The following ACACB variants were observed in gnomAD, a reference collection of about 807,000 sequenced individuals.
The protein encoded by ACACB is acetyl-CoA carboxylase beta.
ACACB carries 209 observed loss-of-function variants against 278.8 expected under a neutral mutation model. The observed-to-expected ratio is 0.75, with a 90% CI of 0.67 to 0.84. The LOEUF is 0.84. Ranked by LOEUF, ACACB falls within the 40% of genes least tolerant of loss-of-function variation. The probability of loss-of-function intolerance (pLI) is 0.00; values close to 1 mark genes in which losing one functional copy is unlikely to be tolerated. For missense variants in ACACB, 2,850 were observed against 3,269.0 expected (o/e 0.87, Z 3.13); for synonymous variants, 1,174 against 1,285.6 (o/e 0.91, Z 1.86).
At chr12:109,122,551 C>T (rs1226043439) in intron 1 of ACACB, among the ~76,000 whole-genome samples, 4 of 129,094 alleles carry the variant, frequency 3.1e-5, no homozygotes, top group East Asian at 2.3e-4. Flanking sequence ...CCAGCCTAGG[C>T]GCCAGAGTCA....
At chr12:109,254,762 G>A (rs2047181534) in intron 44 of ACACB, among the ~76,000 whole-genome samples, 1 of 151,942 alleles carries the variant, frequency 6.6e-6, no homozygotes, top group Non-Finnish European at 1.5e-5. Context: ...ACACAGGATA[G>A]GCAATCTGGT....
intron 37 of ACACB, among the ~76,000 whole-genome samples, chr12:109,243,888 T>TAA (rs1321179149): frequency 7.3e-6 from 1 of 137,674 alleles, no homozygotes; most frequent in Admixed American, 7.9e-5. Flanking sequence ...TATATATATA[T>TAA]ATATATATTT....
intron 12 of ACACB, 54 bp downstream of exon 12, chr12:109,185,794 G>A (rs994762887): frequency 6.3e-5 from 97 of 1,541,738 alleles, no homozygotes; most frequent in Non-Finnish European, 8.2e-5. Flanking sequence ...CAGCATGTGG[G>A]GGACCCTGGA....
intron 24 of ACACB, among the ~76,000 whole-genome samples, chr12:109,221,445 C>T (rs1040338501): frequency 2.6e-5 from 4 of 152,176 alleles, no homozygotes; most frequent in African/African-American, 9.7e-5. Flanking sequence ...CCCATATGCA[C>T]TTAGGGCATA....
chr12:109,262,984 T>TATATATATATA (rs1593741001), intron 49 of ACACB: 1 of 32,132 alleles, frequency 3.1e-5, no homozygotes, highest in Non-Finnish European at 1.2e-4. Context: ...ATATATATAT[T>TATATATATATA]GCCATCGTGA....
intron 13 of ACACB, among the ~76,000 whole-genome samples, chr12:109,190,765 C>T (rs1593510267): frequency 1.3e-5 from 2 of 151,654 alleles, no homozygotes; most frequent in East Asian, 3.9e-4. Flanking sequence ...GTAGCTGGGA[C>T]TACAGTCACA....
intron 42 of ACACB, 190 bp downstream of exon 42, chr12:109,252,346 A>G (rs2047119809): frequency 1.3e-5 from 6 of 467,646 alleles, no homozygotes; most frequent in Admixed American, 3.9e-5. Context: ...GTTTTAGGCA[A>G]TTCTGGTCGA....
At chr12:109,256,010 T>G (rs2047214286) in intron 44 of ACACB, 130 bp from the exon 45 acceptor site, 1 of 635,044 alleles carries the variant, frequency 1.6e-6, no homozygotes, top group East Asian at 2.8e-5. Flanking sequence ...TGGTTTTAGG[T>G]AGAAAGGGGT....
intron 21 of ACACB, among the ~76,000 whole-genome samples, chr12:109,212,512 C>T (rs1446922509): frequency 6.6e-6 from 1 of 152,126 alleles, no homozygotes; most frequent in Non-Finnish European, 1.5e-5. Flanking sequence ...ATCATCAGGC[C>T]TTAGATTATC....
intron 16 of ACACB, among the ~76,000 whole-genome samples, chr12:109,194,659 C>A (rs2045050683): frequency 6.8e-6 from 1 of 147,570 alleles, no homozygotes; most frequent in Admixed American, 6.8e-5. Flanking sequence ...TTCACATTAT[C>A]TTCCATGACT....
rs144793901 is a variant in ACACB, at chr12:109,246,204, G to T, written c.5327G>T (p.Arg1776Met). Residue 1776 changes from arginine to methionine, a missense_variant, in exon 39 of 53, where the codon AGG becomes ATG. Transcript: ENST00000338432. Reference sequence around the variant, plus strand: ...GTGGGCATGGTGGCCTTCAAAATGAGGTTTAAGACCCAGGAGTACCCGGAA... The same window carrying T: ...GTGGGCATGGTGGCCTTCAAAATGATGTTTAAGACCCAGGAGTACCCGGAA... The part of the protein sequence containing the change: ...NEVGMVAFKM[R>M]FKTQEYPEGR... The T allele has an allele frequency of 4.4e-5, 71 of 1,613,660 alleles. No individual in the cohort carries two copies. Among genetic ancestry groups the T allele is most frequent in the Non-Finnish European group, 5.7e-5 (67 of 1,179,944 alleles).
At position 109,235,369 on chromosome 12, in the gene ACACB, G is replaced by A; in HGVS notation, c.4404G>A (p.Glu1468=). The change falls in exon 32 of 53, where the codon GAG becomes GAA. Residue 1468 remains glutamate, a splice_region_variant and synonymous_variant. Coordinates refer to ENST00000338432, the MANE Select transcript of ACACB (RefSeq NM_001093.4). ...GAATCACATTCTTGATTGCCCAAGA[G>A]GTTAGTTCACAGTTCATCTCTATGA... ...LRRITFLIAQ[E]KEFPKFFTFR... 6.2e-7 allele frequency: 1 copy of A among 1,613,592 alleles called. No homozygotes were observed. Among genetic ancestry groups the A allele is most frequent in the Non-Finnish European group, 8.5e-7 (1 of 1,179,542 alleles).
At chr12:109,199,599 A>G (rs1392699529) in intron 18 of ACACB, 47 bp downstream of exon 18, 3 of 1,374,440 alleles carry the variant, frequency 2.2e-6, no homozygotes, top group Non-Finnish European at 2.8e-6. Flanking sequence ...TCAAACTCCC[A>G]CTCTTCTGGC....
chr12:109,172,136 G>A, intron 5 of ACACB, 139 bp from the exon 6 acceptor site: 2 of 862,804 alleles, frequency 2.3e-6, no homozygotes, highest in Non-Finnish European at 3.7e-6. Context: ...TGGCCAGGCT[G>A]GTCTCGAACT....
chr12:109,256,243 A>G lies in ACACB; in HGVS notation c.6263+7A>G. 1 of 1,613,036 alleles carries G rather than the reference A, an allele frequency of 6.2e-7. No homozygotes were observed. The highest frequency in any genetic ancestry group is 8.5e-7 in the Non-Finnish European group (1 of 1,179,126). ...TGGTGACAGGACGAGCAAGGTAATC[A>G]TGAAGACGGGAGCAGGCTGCCCATG... On this transcript the variant is annotated splice_region_variant and intron_variant, in intron 45 of 52. Transcript: ENST00000338432.
At chr12:109,262,974 A>ATATATAT (rs2047421946) in intron 49 of ACACB, 1 of 129,122 alleles carries the variant, frequency 7.7e-6, no homozygotes, top group South Asian at 2.3e-4. Context: ...ATATATATAT[A>ATATATAT]TATATATATT....
intron 28 of ACACB, 88 bp from the exon 29 acceptor site, chr12:109,232,581 A>G: frequency 1.3e-6 from 2 of 1,493,750 alleles, no homozygotes; most frequent in Admixed American, 1.9e-5. Context: ...AATCTGGTCC[A>G]GCTCACTGAA....
At chr12:109,210,634 G>T (rs2045815867) in intron 21 of ACACB, among the ~76,000 whole-genome samples, 2 of 150,604 alleles carry the variant, frequency 1.3e-5, no homozygotes, top group South Asian at 2.1e-4. Flanking sequence ...TTATACTGAG[G>T]TCGGGTGCAT....
chr12:109,226,785 T>C (rs781664975), intron 27 of ACACB, among the ~76,000 whole-genome samples: 16 of 150,840 alleles, frequency 1.1e-4, no homozygotes, highest in Middle Eastern at 7.1e-3. Context: ...AACAGCAGAA[T>C]TGAGTAGTTG....
Sources: gnomAD v4.1 joint callset for allele counts (sites outside exome capture counted in the v4.1 genomes callset) on GRCh38, gnomAD v4.1.1 for gene constraint, MANE v1.5 for transcripts, NCBI Gene and HGNC (gene_info 2026-07-23, HGNC 2026-07-21) for gene names.